GUSB: variants seen among roughly 807,000 people sequenced by gnomAD.
The protein encoded by GUSB is beta-glucuronidase.
In GUSB, 51 loss-of-function variants were observed where a neutral mutation model predicts 74.6. That is an observed-to-expected ratio of 0.68 (90% CI 0.55 to 0.86). The LOEUF is 0.86. GUSB is among the 40% of genes least tolerant of loss of function. GUSB has a pLI of 0.00. For missense variants in GUSB, 736 were observed against 853.7 expected, an observed-to-expected ratio of 0.86 and a Z score of 1.72; for synonymous variants, 360 against 348.3, an observed-to-expected ratio of 1.03 and a Z score of -0.37.
chr7:65,967,446 G>A (rs183956731), intron 10 of GUSB, among the ~76,000 whole-genome samples: 22 of 152,200 alleles, frequency 1.4e-4, no homozygotes, highest in South Asian at 6.2e-4. Flanking sequence ...AGAGAGATCC[G>A]GTCTCAAAAA....
chr7:65,973,536 G>T (rs577431772), intron 8 of GUSB, among the ~76,000 whole-genome samples: 7 of 152,088 alleles, frequency 4.6e-5, no homozygotes, highest in Admixed American at 4.6e-4. Context: ...GCAGTGAGAC[G>T]AGATTGCGCC....
At chr7:65,970,991 A>G (rs1791168093) in intron 8 of GUSB, among the ~76,000 whole-genome samples, 5 of 151,848 alleles carry the variant, frequency 3.3e-5, no homozygotes, top group Admixed American at 3.3e-4. Flanking sequence ...ATGATCCTCT[A>G]GTCCTAGACC....
chr7:65,974,331 G>A lies in GUSB; in HGVS notation c.1355C>T (p.Pro452Leu), dbSNP rs1216182756. ...GCCAGCAGATTCTAGGTGGGACGCA[G>A]GCTCGTTGGCCACAGACCACATCAC... is the stretch of plus-strand genomic sequence containing the variant. ...AVVMWSVANEPASHLESAGYY... is the reference protein window; with the variant it reads ...AVVMWSVANELASHLESAGYY... Residue 452 changes from proline to leucine, a missense_variant, in exon 8 of 12, where the codon CCT becomes CTT. Physicochemically the swap from Pro to Leu is moderately conservative, Grantham distance 98. Coordinates refer to ENST00000304895, the MANE Select transcript of GUSB (RefSeq NM_000181.4). 1 of 1,614,044 alleles carries A rather than the reference G, an allele frequency of 6.2e-7. No individual in the cohort carries two copies. The highest frequency in any genetic ancestry group is 8.5e-7 in the Non-Finnish European group (1 of 1,180,036).
At position 65,974,446 on chromosome 7, in the gene GUSB, G is replaced by T; in HGVS notation, c.1245-5C>A. The T allele has an allele frequency of 1.2e-6, 2 of 1,614,158 alleles. No homozygotes were observed. Among genetic ancestry groups the T allele is most frequent in the Non-Finnish European group, 1.7e-6 (2 of 1,180,030 alleles). On this transcript the variant is annotated splice_polypyrimidine_tract_variant and splice_region_variant and intron_variant, in intron 7 of 11. Coordinates refer to ENST00000304895, the MANE Select transcript of GUSB (RefSeq NM_000181.4). ...GAAACGTTGTTGAAGAACTGCCTGC[G>T]GGCCAGGAGGGAAGGGACAGAGGGT...
At chr7:65,977,499 A>C (rs1263050213) in intron 4 of GUSB, among the ~76,000 whole-genome samples, 1 of 151,798 alleles carries the variant, frequency 6.6e-6, no homozygotes, top group Non-Finnish European at 1.5e-5. Context: ...TCTATGGTGC[A>C]TTGTCTTTGC....
intron 10 of GUSB, among the ~76,000 whole-genome samples, chr7:65,965,578 G>A (rs946583131): frequency 2.0e-5 from 3 of 152,032 alleles, no homozygotes; most frequent in African/African-American, 7.2e-5. Flanking sequence ...CACCCAGGTG[G>A]GAGTACAGTG....
At chr7:65,968,563 C>T (rs574249377) in intron 9 of GUSB, among the ~76,000 whole-genome samples, 64 of 152,122 alleles carry the variant, frequency 4.2e-4, no homozygotes, top group Non-Finnish European at 6.8e-4. Context: ...CCCGAGGGGC[C>T]GATGCAGTCA....
At chr7:65,966,852 C>G (rs1359181940) in intron 10 of GUSB, among the ~76,000 whole-genome samples, 5 of 152,030 alleles carry the variant, frequency 3.3e-5, no homozygotes, top group Non-Finnish European at 5.9e-5. Flanking sequence ...GAGGCCAAGG[C>G]AGGAAGATCA....
In GUSB at chr7:65,960,996, C is replaced by T. The variant is rs779147312; in HGVS notation, c.1857G>A (p.Ala619=). 45 of 1,613,354 alleles carry T rather than the reference C, an allele frequency of 2.8e-5. No individual in the cohort carries two copies. The highest frequency in any genetic ancestry group is 1.6e-4 in the Middle Eastern group (1 of 6,084). ...TCCAGTATCTCTCTCGCAAAAGGAA[C>T]GCTGCACTTTTTGGTTGTCTCTGCC... The part of the protein sequence containing the change: ...FTRQRQPKSA[A]FLLRERYWKI... Residue 619 remains alanine, a synonymous_variant, in exon 12 of 12, where the codon GCG becomes GCA. Coordinates refer to ENST00000304895, the MANE Select transcript of GUSB (RefSeq NM_000181.4).
At chr7:65,963,750 T>C (rs761294950) in intron 11 of GUSB, among the ~76,000 whole-genome samples, 3 of 152,108 alleles carry the variant, frequency 2.0e-5, no homozygotes, top group African/African-American at 4.8e-5. Context: ...CTTGCTATGC[T>C]GAACAGGCTG....
At chr7:65,973,439 T>C (rs554743403) in intron 8 of GUSB, among the ~76,000 whole-genome samples, 3 of 152,250 alleles carry the variant, frequency 2.0e-5, no homozygotes, top group Non-Finnish European at 2.9e-5. Context: ...ATACAAAAAT[T>C]AGCAGGGTAT....
intron 8 of GUSB, among the ~76,000 whole-genome samples, chr7:65,973,456 G>A (rs748433225): frequency 6.6e-6 from 1 of 152,206 alleles, no homozygotes; most frequent in Non-Finnish European, 1.5e-5. Flanking sequence ...GTATGTTGGC[G>A]TGTGCCTGTA....
chr7:65,963,794 C>T (rs1298490213), intron 11 of GUSB, among the ~76,000 whole-genome samples: 1 of 152,200 alleles, frequency 6.6e-6, no homozygotes, highest in Non-Finnish European at 1.5e-5. Flanking sequence ...GATCCTCCCA[C>T]CCTGACCTCC....
chr7:65,972,144 C>T (rs1267372038), intron 8 of GUSB, among the ~76,000 whole-genome samples: 2 of 151,888 alleles, frequency 1.3e-5, no homozygotes, highest in Non-Finnish European at 2.9e-5. Context: ...CCCGAGGCCT[C>T]CACAGTACAG....
At chr7:65,977,401 A>G (rs1283413787) in intron 4 of GUSB, among the ~76,000 whole-genome samples, 2 of 152,188 alleles carry the variant, frequency 1.3e-5, no homozygotes, top group African/African-American at 4.8e-5. Context: ...CTCGGCCTCC[A>G]AAAGTGCTGG....
chr7:65,976,615 G>A (rs565693556), intron 4 of GUSB, among the ~76,000 whole-genome samples: 186 of 150,096 alleles, frequency 1.2e-3, no homozygotes, highest in African/African-American at 4.1e-3. Flanking sequence ...GTGAGCCACC[G>A]CACCCGGTGC....
chr7:65,966,581 C>A (rs1167084694), intron 10 of GUSB, among the ~76,000 whole-genome samples: 2 of 152,004 alleles, frequency 1.3e-5, no homozygotes, highest in African/African-American at 2.4e-5. Context: ...TCACGTAAGG[C>A]CAGGAGTTCT....
In GUSB at chr7:65,980,355, C is replaced by T. The variant is rs1266181122; in HGVS notation, c.265G>A (p.Asp89Asn). The change falls in exon 2 of 12, where the codon GAC (aspartate) becomes AAC (asparagine). Residue 89 changes from aspartate to asparagine, a missense_variant. Physicochemically the swap from Asp to Asn is conservative, Grantham distance 23 (BLOSUM62 1). Coordinates refer to ENST00000304895, the MANE Select transcript of GUSB (RefSeq NM_000181.4). ...CCGACAAAATGCCGCAGACGCCAGTCCTGGCTGATGTCATTGAAGCTGGAG... is the reference window on the plus strand; with the variant it reads ...CCGACAAAATGCCGCAGACGCCAGTTCTGGCTGATGTCATTGAAGCTGGAG... ...VPSSFNDISQ[D>N]WRLRHFVGWV... 2 of 1,613,992 alleles carry T rather than the reference C, an allele frequency of 1.2e-6. No homozygotes were observed. Among genetic ancestry groups the T allele is most frequent in the Non-Finnish European group, 1.7e-6 (2 of 1,179,942 alleles).
intron 8 of GUSB, among the ~76,000 whole-genome samples, chr7:65,973,055 G>C (rs1286339442): frequency 6.6e-6 from 1 of 152,222 alleles, no homozygotes; most frequent in Non-Finnish European, 1.5e-5. Flanking sequence ...AGGGGGCCAG[G>C]TGTGGTGGTT....
Sources: gnomAD v4.1 joint callset for allele counts (sites outside exome capture counted in the v4.1 genomes callset) on GRCh38, gnomAD v4.1.1 for gene constraint, MANE v1.5 for transcripts, NCBI Gene and HGNC (gene_info 2026-07-23, HGNC 2026-07-21) for gene names.